Variants in MARCHF6 observed in about 807,000 individuals in gnomAD.
MARCHF6 encodes membrane associated ring-CH-type finger 6, also known as E3 ubiquitin-protein ligase MARCHF6.
In MARCHF6, 31 loss-of-function variants were observed where a neutral mutation model predicts 133.7. The ratio of observed to expected loss-of-function variants is 0.23; its 90% CI spans 0.17 to 0.31. MARCHF6 has a LOEUF of 0.31. Among genes scored for constraint, MARCHF6 ranks in the 10% least tolerant of loss-of-function variants. The pLI is 1.00. For missense variants in MARCHF6, 723 were observed against 1,121.6 expected (o/e 0.64, Z 5.08); for synonymous variants, 395 against 402.5 (o/e 0.98, Z 0.22).
intron 23 of MARCHF6, 86 bp downstream of exon 23, chr5:10,423,910 C>A (rs1995214): frequency 1.1e-6 from 1 of 916,382 alleles, no homozygotes; most frequent in Non-Finnish European, 1.6e-6. Flanking sequence ...TCTTATCTTC[C>A]TACCTTGCTG....
chr5:10,366,991 T>TTGATA (rs565204833), intron 1 of MARCHF6, among the ~76,000 whole-genome samples: 4,316 of 151,932 alleles, frequency 0.028, 85 homozygotes, highest in Non-Finnish European at 0.042. Flanking sequence ...GGCATATCCC[T>TTGATA]TGATATGATA....
At chr5:10,382,367 T>G (rs1482012304) in intron 4 of MARCHF6, among the ~76,000 whole-genome samples, 2 of 148,458 alleles carry the variant, frequency 1.3e-5, no homozygotes, top group African/African-American at 2.5e-5. Flanking sequence ...ACATGGAGAC[T>G]GAGGCAGGAG....
chr5:10,419,762 T>G (rs1278956066), intron 22 of MARCHF6, among the ~76,000 whole-genome samples: 1 of 152,210 alleles, frequency 6.6e-6, no homozygotes, highest in Non-Finnish European at 1.5e-5. Context: ...GAAAGGTTGA[T>G]CAGTCTTCAG....
chr5:10,421,497 T>G (rs988715045), intron 22 of MARCHF6, among the ~76,000 whole-genome samples: 1 of 152,220 alleles, frequency 6.6e-6, no homozygotes, highest in Non-Finnish European at 1.5e-5. Context: ...TCTTAATTCA[T>G]GACTTTAAGC....
chr5:10,422,975 T>G (rs1739901738), intron 22 of MARCHF6, among the ~76,000 whole-genome samples: 1 of 151,940 alleles, frequency 6.6e-6, no homozygotes, highest in South Asian at 2.1e-4. Flanking sequence ...TATGTAAGAA[T>G]CAGTCTAAAT....
chr5:10,388,073 C>G (rs972400801), intron 5 of MARCHF6, among the ~76,000 whole-genome samples: 8 of 152,152 alleles, frequency 5.3e-5, no homozygotes, highest in Admixed American at 1.3e-4. Flanking sequence ...CCTGTAGTTA[C>G]TTTACTATAT....
chr5:10,423,279 C>T (rs540638147), intron 22 of MARCHF6, among the ~76,000 whole-genome samples: 2 of 152,188 alleles, frequency 1.3e-5, no homozygotes, highest in African/African-American at 4.8e-5. Flanking sequence ...AGTAACAGTT[C>T]CCCAGTAGAA....
intron 17 of MARCHF6, among the ~76,000 whole-genome samples, chr5:10,407,667 G>T (rs1311556593): frequency 6.6e-6 from 1 of 152,052 alleles, no homozygotes; most frequent in Admixed American, 6.6e-5. Flanking sequence ...ACTTAAGTGG[G>T]CTAAGGCCAG....
In MARCHF6 at chr5:10,356,114, A is replaced by G. The variant is rs531000688; in HGVS notation, c.19+2197A>G. Among the ~76,000 whole-genome samples the G allele has an allele frequency of 2.6e-5, 4 of 152,264 alleles. No individual in the cohort carries two copies. In the East Asian group the frequency reaches 7.7e-4, roughly 29 times the overall value. On this transcript the variant is annotated intron_variant, in intron 1 of 25. Transcript: ENST00000274140. ...AAAGGAAAAGGGAGGGTTATAGAGG[A>G]TTAAAAATGATATAGCAAAGATGCC...
intron 6 of MARCHF6, 84 bp downstream of exon 6, chr5:10,390,584 C>A: frequency 8.0e-7 from 1 of 1,254,206 alleles, no homozygotes; most frequent in Non-Finnish European, 1.1e-6. Flanking sequence ...CTCTTGACTT[C>A]CATGTCCCTC....
At chr5:10,419,078 C>A (rs535001938) in intron 22 of MARCHF6, among the ~76,000 whole-genome samples, 8 of 152,250 alleles carry the variant, frequency 5.3e-5, no homozygotes, top group African/African-American at 1.9e-4. Flanking sequence ...CCTTTCTAGT[C>A]TGGTTCATAG....
intron 4 of MARCHF6, among the ~76,000 whole-genome samples, chr5:10,384,098 C>T (rs186962098): frequency 1.5e-4 from 23 of 151,532 alleles, no homozygotes; most frequent in East Asian, 7.8e-4. Flanking sequence ...ATCAGATGGC[C>T]GTACAGAAAA....
chr5:10,379,322 C>A lies in MARCHF6; in HGVS notation c.190+490C>A, dbSNP rs6886820. ...AAAGGTAAGGGTTCTTTTTCAAAAA[C>A]GTAACTATAATACCATTATCCACCT... On this transcript the variant is annotated intron_variant, in intron 3 of 25. Coordinates refer to ENST00000274140, the MANE Select transcript of MARCHF6 (RefSeq NM_005885.4). 5.4e-3 allele frequency among the ~76,000 whole-genome samples: 819 copies of A among 152,010 alleles called. 3 individuals are homozygous for A. Among genetic ancestry groups the A allele is most frequent in the African/African-American group, 0.019 (795 of 41,472 alleles).
In MARCHF6 at chr5:10,433,611, G is replaced by A. The variant is rs1352342803; in HGVS notation, c.2660G>A (p.Arg887Gln). 6 of 1,613,998 alleles carry A rather than the reference G, an allele frequency of 3.7e-6. No homozygotes were observed. Among genetic ancestry groups the A allele is most frequent in the South Asian group, 3.3e-5 (3 of 91,066 alleles). ...IKNDKYLVGQ[R>Q]LVNYERKSGK... ...CAACCTAGGTACCTTGTGGGTCAAC[G>A]ACTCGTGAACTACGAACGGAAATCT... Residue 887 changes from arginine to glutamine, a missense_variant, in exon 26 of 26, where the codon CGA (arginine) becomes CAA (glutamine). Coordinates refer to ENST00000274140, the MANE Select transcript of MARCHF6 (RefSeq NM_005885.4).
In MARCHF6 at chr5:10,433,742, C is replaced by A; in HGVS notation, c.*58C>A. On this transcript the variant is annotated 3_prime_UTR_variant, in exon 26 of 26. Coordinates refer to ENST00000274140, the MANE Select transcript of MARCHF6 (RefSeq NM_005885.4). ...TACATGTCCTTTTTTGTGGACTTCT[C>A]TCTTTGGAGATTTTTCCCAGTGATC... The A allele has an allele frequency of 7.2e-7, 1 of 1,394,432 alleles. No homozygotes were observed. Among genetic ancestry groups the A allele is most frequent in the Non-Finnish European group, 1.0e-6 (1 of 981,642 alleles). The allele number at this position is 1,394,432 out of a possible 1,614,324, so 86.4% of individuals were successfully genotyped here.
Position 10,421,309 on chromosome 5 carries a change from T to C in MARCHF6, c.2284-2426T>C, listed in dbSNP as rs1026264797. ...CAATAGAGAATGCCCAAATAAAATG[T>C]GGAATATCAATGCAGCAATTGAAAA... On this transcript the variant is annotated intron_variant, in intron 22 of 25. Transcript: ENST00000274140. Among the ~76,000 whole-genome samples the C allele has an allele frequency of 5.9e-5, 9 of 152,154 alleles. No homozygotes were observed. The East Asian group carries it at 7.7e-4, about 13-fold the overall frequency.
chr5:10,358,398 A>G lies in MARCHF6; in HGVS notation c.19+4481A>G, dbSNP rs565250592. Reference sequence around the variant, plus strand: ...ACATAAATTGTCTTGATATGCAGCCAGCTTTCTGTATTTGTGGGTTTCGCA... The same window carrying G: ...ACATAAATTGTCTTGATATGCAGCCGGCTTTCTGTATTTGTGGGTTTCGCA... On this transcript the variant is annotated intron_variant, in intron 1 of 25. Coordinates refer to ENST00000274140, the MANE Select transcript of MARCHF6 (RefSeq NM_005885.4). 3.9e-5 allele frequency among the ~76,000 whole-genome samples: 6 copies of G among 152,342 alleles called. No homozygotes were observed. In the East Asian group the frequency reaches 1.2e-3, roughly 29 times the overall value.
chr5:10,407,260 T>G, intron 17 of MARCHF6, 58 bp downstream of exon 17: 1 of 837,146 alleles, frequency 1.2e-6, no homozygotes, highest in African/African-American at 1.7e-5. Flanking sequence ...GGATTTGATG[T>G]TCAGATTACA....
intron 1 of MARCHF6, among the ~76,000 whole-genome samples, chr5:10,369,993 G>A (rs970594028): frequency 1.3e-5 from 2 of 151,396 alleles, no homozygotes; most frequent in African/African-American, 4.9e-5. Context: ...TGTTTTATCA[G>A]GTTAAATATA....
Sources: gnomAD v4.1 joint callset for allele counts (sites outside exome capture counted in the v4.1 genomes callset) on GRCh38, gnomAD v4.1.1 for gene constraint, MANE v1.5 for transcripts, NCBI Gene and HGNC (gene_info 2026-07-23, HGNC 2026-07-21) for gene names.